The following GRM5 variants were observed in gnomAD, a reference collection of about 807,000 sequenced individuals.
GRM5 encodes the protein glutamate metabotropic receptor 5.
In GRM5, 19 loss-of-function variants were observed where a neutral mutation model predicts 83.1. The observed-to-expected ratio is 0.23, with a 90% CI of 0.16 to 0.34. GRM5 has a LOEUF of 0.34. Among genes scored for constraint, GRM5 ranks in the 10% least tolerant of loss-of-function variants. The probability of loss-of-function intolerance (pLI) is 1.00; values close to 1 mark genes in which losing one functional copy is unlikely to be tolerated. For missense variants in GRM5, 1,160 were observed against 1,588.3 expected, an observed-to-expected ratio of 0.73 and a Z score of 4.58; for synonymous variants, 675 against 633.6, an observed-to-expected ratio of 1.07 and a Z score of -0.98.
At chr11:88,952,050 C>A (rs1329419422) in intron 2 of GRM5, among the ~76,000 whole-genome samples, 1 of 152,172 alleles carries the variant, frequency 6.6e-6, no homozygotes, top group Non-Finnish European at 1.5e-5. Flanking sequence ...CCATATAACT[C>A]ATGTCCCAGC....
chr11:88,774,951 T>C (rs1425041438), intron 3 of GRM5, among the ~76,000 whole-genome samples: 1 of 152,252 alleles, frequency 6.6e-6, no homozygotes, highest in Non-Finnish European at 1.5e-5. Flanking sequence ...AGGATGATGC[T>C]GGCCTCATAA....
intron 3 of GRM5, among the ~76,000 whole-genome samples, chr11:88,793,453 T>C (rs1396096634): frequency 6.6e-6 from 1 of 152,188 alleles, no homozygotes; most frequent in Non-Finnish European, 1.5e-5. Flanking sequence ...TCATTGATGG[T>C]AGAACCGTAG....
intron 2 of GRM5, chr11:88,925,914 A>C: frequency 3.5e-6 from 1 of 281,930 alleles, no homozygotes; most frequent in South Asian, 2.8e-5. Context: ...GTCTCAAAAA[A>C]AATAAAAAAG....
At chr11:88,651,304 A>G (rs971683774) in intron 4 of GRM5, among the ~76,000 whole-genome samples, 4 of 152,068 alleles carry the variant, frequency 2.6e-5, no homozygotes, top group Non-Finnish European at 4.4e-5. Context: ...AGAAATTAAT[A>G]AAGAAAGAGG....
chr11:89,037,156 C>T (rs1243108910), intron 2 of GRM5, among the ~76,000 whole-genome samples: 1 of 151,914 alleles, frequency 6.6e-6, no homozygotes, highest in Non-Finnish European at 1.5e-5. Context: ...GTGCTTGTAC[C>T]TGTATGTCTC....
intron 2 of GRM5, among the ~76,000 whole-genome samples, chr11:88,868,254 G>A (rs1325710121): frequency 6.6e-6 from 1 of 151,806 alleles, no homozygotes; most frequent in African/African-American, 2.4e-5. Context: ...TATGAGAATG[G>A]CTCTGAAATT....
intron 4 of GRM5, among the ~76,000 whole-genome samples, chr11:88,639,764 T>A (rs1939240141): frequency 6.6e-6 from 1 of 152,084 alleles, no homozygotes; most frequent in Non-Finnish European, 1.5e-5. Context: ...ATTTTTTGTA[T>A]TCTTCAACAA....
chr11:88,570,888 A>T (rs572894559), intron 7 of GRM5, among the ~76,000 whole-genome samples: 1 of 151,726 alleles, frequency 6.6e-6, no homozygotes, highest in South Asian at 2.1e-4. Flanking sequence ...TTATTATTTT[A>T]TATTAGTTCA....
chr11:88,910,617 A>G (rs916456061), intron 2 of GRM5, among the ~76,000 whole-genome samples: 1 of 152,090 alleles, frequency 6.6e-6, no homozygotes, highest in Non-Finnish European at 1.5e-5. Context: ...AACCTGAACA[A>G]TTCTCAAACA....
At chr11:88,699,743 C>T (rs1390520165) in intron 3 of GRM5, among the ~76,000 whole-genome samples, 1 of 7,514 alleles carries the variant, frequency 1.3e-4, no homozygotes, top group Non-Finnish European at 0.012. Context: ...TAATTTGCTG[C>T]ACGAGCAGAG....
chr11:88,890,897 A>G (rs1331788574), intron 2 of GRM5, among the ~76,000 whole-genome samples: 3 of 152,194 alleles, frequency 2.0e-5, no homozygotes, highest in South Asian at 2.1e-4. Flanking sequence ...GGCAAGGTGT[A>G]TAAAAACAGT....
chr11:88,821,667 T>C (rs12285391), intron 3 of GRM5, among the ~76,000 whole-genome samples: 3,883 of 152,272 alleles, frequency 0.026, 175 homozygotes, highest in African/African-American at 0.089. Context: ...CGATACAAAA[T>C]TTGCTCCTGA....
At chr11:88,707,628 C>T (rs777223183) in intron 3 of GRM5, among the ~76,000 whole-genome samples, 5 of 152,046 alleles carry the variant, frequency 3.3e-5, no homozygotes, top group Non-Finnish European at 7.4e-5. Context: ...ATATGAGGGG[C>T]TTGAGCATCT....
At chr11:89,009,413 A>G (rs1940620025) in intron 2 of GRM5, among the ~76,000 whole-genome samples, 1 of 152,198 alleles carries the variant, frequency 6.6e-6, no homozygotes, top group Non-Finnish European at 1.5e-5. Flanking sequence ...TTAGCAGACC[A>G]TTGAGAAAAT....
At chr11:88,736,271 C>CTT (rs1941911828) in intron 3 of GRM5, among the ~76,000 whole-genome samples, 1 of 152,018 alleles carries the variant, frequency 6.6e-6, no homozygotes, top group Admixed American at 6.6e-5. Flanking sequence ...ATGAAATTAA[C>CTT]TTTATTTTTG....
chr11:88,929,172 C>T (rs1565296757), intron 2 of GRM5, among the ~76,000 whole-genome samples: 1 of 152,058 alleles, frequency 6.6e-6, no homozygotes, highest in East Asian at 1.9e-4. Flanking sequence ...GTCCTTGGTT[C>T]TGGCTTATTG....
intron 7 of GRM5, among the ~76,000 whole-genome samples, chr11:88,568,511 C>T (rs1394513297): frequency 6.6e-6 from 1 of 151,986 alleles, no homozygotes; most frequent in Non-Finnish European, 1.5e-5. Context: ...TAAGATGAGG[C>T]TGGGAGGTAG....
At chr11:88,615,908 A>T (rs1338297253) in intron 4 of GRM5, among the ~76,000 whole-genome samples, 1 of 152,108 alleles carries the variant, frequency 6.6e-6, no homozygotes, top group Non-Finnish European at 1.5e-5. Context: ...AATATGCAAG[A>T]TGACATCGCA....
At chr11:88,994,828 C>T (rs1940125856) in intron 2 of GRM5, among the ~76,000 whole-genome samples, 1 of 151,860 alleles carries the variant, frequency 6.6e-6, no homozygotes, top group Non-Finnish European at 1.5e-5. Flanking sequence ...TATAGAGCTT[C>T]CCTGTTACTG....
Sources: gnomAD v4.1 joint callset for allele counts (sites outside exome capture counted in the v4.1 genomes callset) on GRCh38, gnomAD v4.1.1 for gene constraint, MANE v1.5 for transcripts, NCBI Gene and HGNC (gene_info 2026-07-23, HGNC 2026-07-21) for gene names.